Variants in ANO6 observed in about 807,000 individuals in gnomAD.
The protein encoded by ANO6 is anoctamin 6, also known as anoctamin-6.
A neutral mutation model predicts 117.5 loss-of-function variants in ANO6; 106 were observed. That is an observed-to-expected ratio of 0.90 (90% CI 0.77 to 1.06). The LOEUF (loss-of-function observed/expected upper bound fraction) is 1.06. Ranked by LOEUF, ANO6 falls within the 50% of genes least tolerant of loss-of-function variation. The pLI, the probability that ANO6 is intolerant of heterozygous loss-of-function variation, is 0.00. For missense variants in ANO6, 955 were observed against 1,121.1 expected (o/e 0.85, Z 2.12); for synonymous variants, 367 against 385.1 (o/e 0.95, Z 0.55).
chr12:45,407,634 C>G (rs146079289), intron 15 of ANO6, among the ~76,000 whole-genome samples: 433 of 152,132 alleles, frequency 2.8e-3, no homozygotes, highest in Non-Finnish European at 4.8e-3. Context: ...TCCAGGTGGC[C>G]TGGATAACTG....
At chr12:45,386,595 C>T (rs915488895) in intron 10 of ANO6, among the ~76,000 whole-genome samples, 1 of 152,216 alleles carries the variant, frequency 6.6e-6, no homozygotes, top group Non-Finnish European at 1.5e-5. Flanking sequence ...CTCCCTGCCC[C>T]TAGTCTCACT....
chr12:45,221,059 T>TG (rs35401353), intron 1 of ANO6, among the ~76,000 whole-genome samples: 10,874 of 149,270 alleles, frequency 0.073, 561 homozygotes, highest in East Asian at 0.29. Flanking sequence ...GTGTCGGAAG[T>TG]GGGGGGGGGC....
chr12:45,261,365 A>C (rs953068584), intron 1 of ANO6, among the ~76,000 whole-genome samples: 1 of 152,156 alleles, frequency 6.6e-6, no homozygotes, highest in Non-Finnish European at 1.5e-5. Context: ...CCTGGATTGG[A>C]CACTTGATCT....
At chr12:45,370,745 G>C (rs1306853627) in intron 9 of ANO6, among the ~76,000 whole-genome samples, 1 of 152,158 alleles carries the variant, frequency 6.6e-6, no homozygotes, top group African/African-American at 2.4e-5. Context: ...GAAATATGTG[G>C]TCTTATGGAA....
intron 17 of ANO6, among the ~76,000 whole-genome samples, chr12:45,417,753 C>T (rs1943250765): frequency 6.6e-6 from 1 of 152,178 alleles, no homozygotes; most frequent in Non-Finnish European, 1.5e-5. Context: ...CAAAGTGATT[C>T]CCCAGTTTTG....
intron 3 of ANO6, among the ~76,000 whole-genome samples, chr12:45,333,488 G>T (rs1032430868): frequency 7.9e-5 from 12 of 152,072 alleles, no homozygotes; most frequent in Admixed American, 5.2e-4. Flanking sequence ...TTAAACAAGA[G>T]CTTTACTGCC....
intron 2 of ANO6, among the ~76,000 whole-genome samples, chr12:45,307,254 G>C (rs1039162246): frequency 2.6e-5 from 4 of 152,108 alleles, no homozygotes; most frequent in African/African-American, 9.7e-5. Context: ...CAGAGCAGGG[G>C]CAGAGAGACC....
intron 1 of ANO6, among the ~76,000 whole-genome samples, chr12:45,257,264 C>CATCATA (rs1313853267): frequency 6.6e-6 from 1 of 152,168 alleles, no homozygotes; most frequent in Non-Finnish European, 1.5e-5. Context: ...AGATCTGTTC[C>CATCATA]TAGAGCTTCA....
In ANO6 at chr12:45,388,174, G is replaced by T. The variant is rs1468109575; in HGVS notation, c.1179G>T (p.Leu393Phe). ...TCTCTCTGTTAGTTACCTTGTTTTT[G>T]GAGTTTTGGAAGCGACGCCAGGCAG... is the stretch of plus-strand genomic sequence containing the variant. ...VFMGVWVTLF[L>F]EFWKRRQAEL... Residue 393 changes from leucine (L) to phenylalanine (F), a missense_variant, in exon 11 of 20, where the codon TTG (leucine) becomes TTT (phenylalanine). Transcript: ENST00000320560. 1 of 1,613,902 alleles carries T rather than the reference G, an allele frequency of 6.2e-7. No individual in the cohort carries two copies. The highest frequency in any genetic ancestry group is 1.7e-5 in the Admixed American group (1 of 60,008).
At chr12:45,311,869 TCTCACC>T (rs1173135113) in intron 2 of ANO6, among the ~76,000 whole-genome samples, 1 of 152,056 alleles carries the variant, frequency 6.6e-6, no homozygotes, top group Non-Finnish European at 1.5e-5. Context: ...TTCTGTGACA[TCTCACC>T]CTATTGAGTT....
At chr12:45,242,049 C>T (rs1336687024) in intron 1 of ANO6, among the ~76,000 whole-genome samples, 2 of 152,232 alleles carry the variant, frequency 1.3e-5, no homozygotes, top group African/African-American at 4.8e-5. Flanking sequence ...TGGAGGCGGT[C>T]TGTCCATTCT....
chr12:45,292,906 G>T (rs1164444561), intron 1 of ANO6: 12 of 1,551,162 alleles, frequency 7.7e-6, no homozygotes, highest in Non-Finnish European at 1.0e-5. Context: ...TCCCCCTTTT[G>T]TTCTGCTGTG....
intron 1 of ANO6, among the ~76,000 whole-genome samples, chr12:45,227,885 G>A (rs1386761159): frequency 6.6e-6 from 1 of 152,190 alleles, no homozygotes; most frequent in Non-Finnish European, 1.5e-5. Context: ...TTTCTGCAAA[G>A]AGCAAAGCGA....
intron 18 of ANO6, among the ~76,000 whole-genome samples, chr12:45,422,100 T>C (rs1428991596): frequency 6.6e-6 from 1 of 152,146 alleles, no homozygotes; most frequent in Non-Finnish European, 1.5e-5. Flanking sequence ...ATTCTTACTT[T>C]CCACAATTCT....
intron 2 of ANO6, among the ~76,000 whole-genome samples, chr12:45,318,876 A>T (rs1379680304): frequency 2.6e-5 from 4 of 151,790 alleles, no homozygotes; most frequent in African/African-American, 9.7e-5. Context: ...ATTCTCTTTG[A>T]AGCAATTGTG....
chr12:45,260,953 G>GTTTT (rs573752380), intron 1 of ANO6, among the ~76,000 whole-genome samples: 1 of 149,752 alleles, frequency 6.7e-6, no homozygotes, highest in African/African-American at 2.4e-5. Flanking sequence ...GCAACCGGCT[G>GTTTT]TTTTTTTTGT....
At chr12:45,350,633 C>A in intron 6 of ANO6, 26 bp from the exon 7 acceptor site, 1 of 1,555,958 alleles carries the variant, frequency 6.4e-7, no homozygotes, top group Non-Finnish European at 8.9e-7. Context: ...GATTATGGTG[C>A]TTACATGTTC....
At chr12:45,433,203 T>C (rs919370929), downstream of ANO6, among the ~76,000 whole-genome samples, 1 of 152,210 alleles carries the variant, frequency 6.6e-6, no homozygotes, top group African/African-American at 2.4e-5. Flanking sequence ...ATCAGTGGCC[T>C]CCAATCAGGC....
intron 19 of ANO6, among the ~76,000 whole-genome samples, chr12:45,425,990 G>A (rs1943491543): frequency 6.6e-6 from 1 of 152,120 alleles, no homozygotes; most frequent in South Asian, 2.1e-4. Context: ...AACAAAACCA[G>A]TGTTTTTTCT....
Sources: gnomAD v4.1 joint callset for allele counts (sites outside exome capture counted in the v4.1 genomes callset) on GRCh38, gnomAD v4.1.1 for gene constraint, MANE v1.5 for transcripts, NCBI Gene and HGNC (gene_info 2026-07-23, HGNC 2026-07-21) for gene names.